The following FRRS1L variants were observed in gnomAD, a reference collection of about 807,000 sequenced individuals.
The protein encoded by FRRS1L is ferric chelate reductase 1 like.
Under a neutral mutation model 28.6 loss-of-function variants are expected in FRRS1L, and 22 were observed. That is an observed-to-expected ratio of 0.77 (90% CI 0.55 to 1.10). FRRS1L has a LOEUF of 1.10. Among genes scored for constraint, FRRS1L ranks in the 50% least tolerant of loss-of-function variants. FRRS1L has a pLI of 0.00. For synonymous variants in FRRS1L, 158 were observed against 151.4 expected (o/e 1.04, Z -0.32); for missense variants, 380 against 386.9 (o/e 0.98, Z 0.15).
chr9:109,147,842 G>A (rs1458870664), intron 2 of FRRS1L: 2 of 152,138 alleles, frequency 1.3e-5, no homozygotes, highest in Non-Finnish European at 2.9e-5. Flanking sequence ...TCTATAGCAT[G>A]ATGGCTCAAC....
At chr9:109,157,880 T>C (rs1407526021) in intron 1 of FRRS1L, among the ~76,000 whole-genome samples, 1 of 152,262 alleles carries the variant, frequency 6.6e-6, no homozygotes, top group Non-Finnish European at 1.5e-5. Context: ...GGTTTTCTTA[T>C]GGTTCATCTT....
At chr9:109,144,658 C>A (rs1831230909) in intron 3 of FRRS1L, among the ~76,000 whole-genome samples, 1 of 150,862 alleles carries the variant, frequency 6.6e-6, no homozygotes, top group South Asian at 2.1e-4. Context: ...AGCCACCATG[C>A]CCAGCCAGTT....
chr9:109,163,204 C>T (rs963943996), intron 1 of FRRS1L, among the ~76,000 whole-genome samples: 9 of 152,174 alleles, frequency 5.9e-5, no homozygotes, highest in African/African-American at 2.2e-4. Flanking sequence ...ATCTGTTTCA[C>T]ATTCTATCAT....
At chr9:109,144,482 T>G (rs1241503249) in intron 3 of FRRS1L, among the ~76,000 whole-genome samples, 1 of 151,892 alleles carries the variant, frequency 6.6e-6, no homozygotes, top group Non-Finnish European at 1.5e-5. Flanking sequence ...CTCATGCCTC[T>G]GCCTTCTGAG....
chr9:109,152,803 C>CAAAAAAAAAAAAAAAAAAAAAAA (rs59385693), intron 1 of FRRS1L, among the ~76,000 whole-genome samples: 1 of 24,116 alleles, frequency 4.1e-5, no homozygotes. Context: ...GACTCCATCT[C>CAAAAAAAAAAAAAAAAAAAAAAA]AAAAAAAAAA....
intron 3 of FRRS1L, 145 bp downstream of exon 3, chr9:109,146,906 G>T: frequency 1.4e-6 from 1 of 731,024 alleles, no homozygotes; most frequent in Non-Finnish European, 2.3e-6. Context: ...ATTTAAGCTA[G>T]CCTGAATTTT....
chr9:109,131,196 C>T lies in FRRS1L; in HGVS notation c.*6259G>A, dbSNP rs1382754496. ...AATACAAAACCTGTATAGGTTGCAT[C>T]AACATGCCAGTTACTCAGCTAACAC... On this transcript the variant is annotated 3_prime_UTR_variant, in exon 5 of 5. Coordinates refer to ENST00000561981, the MANE Select transcript of FRRS1L (RefSeq NM_014334.4). 6.6e-6 allele frequency: 1 copy of T among 152,198 alleles called. No homozygotes were observed. The highest frequency in any genetic ancestry group is 1.5e-5 in the Non-Finnish European group (1 of 68,024). The allele number at this position is 152,198 out of a possible 1,614,324, so 9.4% of individuals were successfully genotyped here. A position where few individuals can be genotyped will look rare whatever the true frequency, so the allele number is the denominator to read the frequency against.
At chr9:109,160,619 C>A (rs1831469364) in intron 1 of FRRS1L, among the ~76,000 whole-genome samples, 1 of 151,824 alleles carries the variant, frequency 6.6e-6, no homozygotes, top group Non-Finnish European at 1.5e-5. Flanking sequence ...AACTCCTGGG[C>A]TCCTCTCAAA....
intron 1 of FRRS1L, among the ~76,000 whole-genome samples, chr9:109,158,937 T>C (rs901487385): frequency 6.6e-6 from 1 of 152,172 alleles, no homozygotes; most frequent in Non-Finnish European, 1.5e-5. Flanking sequence ...TTACCAACAA[T>C]GTATGAGAGG....
intron 3 of FRRS1L, among the ~76,000 whole-genome samples, chr9:109,143,346 T>TA (rs1831212937): frequency 6.6e-6 from 1 of 151,976 alleles, no homozygotes; most frequent in Non-Finnish European, 1.5e-5. Context: ...AAAAAAGTGT[T>TA]AATCAGTTGT....
intron 3 of FRRS1L, among the ~76,000 whole-genome samples, chr9:109,143,817 A>G (rs1288593323): frequency 1.3e-5 from 2 of 151,994 alleles, no homozygotes; most frequent in Non-Finnish European, 2.9e-5. Flanking sequence ...CTAATAATGT[A>G]CCATTTTTAA....
At chr9:109,153,383 G>A (rs976072436) in intron 1 of FRRS1L, among the ~76,000 whole-genome samples, 38 of 152,124 alleles carry the variant, frequency 2.5e-4, no homozygotes, top group Admixed American at 2.2e-3. Flanking sequence ...TGGACACTGC[G>A]GCCCAGTGCA....
chr9:109,166,060 T>A (rs1220535137), intron 1 of FRRS1L, among the ~76,000 whole-genome samples: 1 of 152,204 alleles, frequency 6.6e-6, no homozygotes, highest in East Asian at 1.9e-4. Flanking sequence ...AACAGACACA[T>A]CCACTAACAG....
chr9:109,148,674 A>T (rs1831292869), intron 2 of FRRS1L: 1 of 152,238 alleles, frequency 6.6e-6, no homozygotes, highest in African/African-American at 2.4e-5. Context: ...AATAGGATCA[A>T]GGCAACAGGG....
intron 3 of FRRS1L, among the ~76,000 whole-genome samples, chr9:109,143,619 A>G (rs951311307): frequency 2.0e-5 from 3 of 150,620 alleles, no homozygotes; most frequent in African/African-American, 7.3e-5. Context: ...GGTTCAAGCA[A>G]TTCTCCTGCC....
Position 109,137,370 on chromosome 9 carries a change from TA to T in FRRS1L, c.*84del. 1.2e-6 allele frequency: 1 copy of T among 860,360 alleles called. No individual in the cohort carries two copies. The highest frequency in any genetic ancestry group is 4.2e-5 in the South Asian group (1 of 24,082). The allele number at this position is 860,360 out of a possible 1,614,324, so 53.3% of individuals were successfully genotyped here. On this transcript the variant is annotated 3_prime_UTR_variant, in exon 5 of 5. Coordinates refer to ENST00000561981, the MANE Select transcript of FRRS1L (RefSeq NM_014334.4). ...GTTTTTTTTCTTAAATAATTGAAGCTAAAATTATACTGGATATTCTTTAAAA... is the reference window on the plus strand; with the variant it reads ...GTTTTTTTTCTTAAATAATTGAAGCTAAATTATACTGGATATTCTTTAAAA...
intron 1 of FRRS1L, among the ~76,000 whole-genome samples, chr9:109,152,805 A>G (rs1472405348): frequency 2.1e-5 from 1 of 47,546 alleles, no homozygotes; most frequent in African/African-American, 7.6e-5. Context: ...CTCCATCTCA[A>G]AAAAAAAAAA....
chr9:109,160,422 T>A (rs919875997), intron 1 of FRRS1L, among the ~76,000 whole-genome samples: 10 of 152,188 alleles, frequency 6.6e-5, no homozygotes, highest in Non-Finnish European at 1.3e-4. Context: ...TTTTATTTAT[T>A]TATTTTGAGA....
chr9:109,158,872 A>G (rs1231894957), intron 1 of FRRS1L, among the ~76,000 whole-genome samples: 1 of 152,240 alleles, frequency 6.6e-6, no homozygotes, highest in Non-Finnish European at 1.5e-5. Flanking sequence ...TCTGTGTTTA[A>G]CTTTTTGAGA....
Sources: gnomAD v4.1 joint callset for allele counts (sites outside exome capture counted in the v4.1 genomes callset) on GRCh38, gnomAD v4.1.1 for gene constraint, MANE v1.5 for transcripts, NCBI Gene and HGNC (gene_info 2026-07-23, HGNC 2026-07-21) for gene names.